Variants in WIPF3 observed in about 807,000 individuals in gnomAD.
WIPF3 encodes WAS/WASL-interacting protein family member 3.
In WIPF3, 33 loss-of-function variants were observed where a neutral mutation model predicts 38.9. That is an observed-to-expected ratio of 0.85 (90% CI 0.64 to 1.14). WIPF3 has a LOEUF of 1.14. Ranked by LOEUF, WIPF3 falls within the 50% of genes most tolerant of loss-of-function variation. WIPF3 has a pLI of 0.00. For synonymous variants in WIPF3, 324 were observed against 269.3 expected, an observed-to-expected ratio of 1.20 and a Z score of -1.99; for missense variants, 711 against 652.5, an observed-to-expected ratio of 1.09 and a Z score of -0.98.
intron 6 of WIPF3, 102 bp downstream of exon 6, chr7:29,888,319 G>A (rs563863638): frequency 8.4e-6 from 12 of 1,427,566 alleles, no homozygotes; most frequent in Admixed American, 2.2e-5. Context: ...CCATCTCAGG[G>A]TGCATGCTTC....
At chr7:29,880,822 G>A (rs1785699667) in intron 4 of WIPF3, among the ~76,000 whole-genome samples, 1 of 152,184 alleles carries the variant, frequency 6.6e-6, no homozygotes, top group South Asian at 2.1e-4. Flanking sequence ...CACATGGACT[G>A]GGTACCATGT....
chr7:29,863,704 A>G (rs1785339077), intron 2 of WIPF3, among the ~76,000 whole-genome samples: 1 of 152,250 alleles, frequency 6.6e-6, no homozygotes, highest in African/African-American at 2.4e-5. Flanking sequence ...GTTCATGAAC[A>G]TAGCATATCT....
rs2128063286 is a variant in WIPF3, at chr7:29,823,741, C to A, written c.-57-10927C>A. Reference sequence around the variant, plus strand: ...TTCTCATTATTGGTTTAGTGCCATCCCCTCATCGTTGCTCTTGTGATGTTG... The same window carrying A: ...TTCTCATTATTGGTTTAGTGCCATCACCTCATCGTTGCTCTTGTGATGTTG... On this transcript the variant is annotated intron_variant, in intron 1 of 8. Coordinates refer to ENST00000242140, the MANE Select transcript of WIPF3 (RefSeq NM_001080529.3). The surrounding 1 kb of genome is among the most constrained non-coding windows in gnomAD (Gnocchi z 4.0). Among the ~76,000 whole-genome samples, 1 of 152,256 alleles carries A rather than the reference C, an allele frequency of 6.6e-6. No individual in the cohort carries two copies. Among genetic ancestry groups the A allele is most frequent in the East Asian group, 1.9e-4 (1 of 5,168 alleles).
chr7:29,878,884 G>C lies in WIPF3; in HGVS notation c.224-125G>C. 2.7e-6 allele frequency: 3 copies of C among 1,119,342 alleles called. No individual in the cohort carries two copies. The Admixed American group carries it at 6.8e-5, about 25-fold the overall frequency. 69.3% of individuals were successfully genotyped at this position (1,119,342 alleles called of 1,614,324 possible). On this transcript the variant is annotated intron_variant, in intron 3 of 8. Coordinates refer to ENST00000242140, the MANE Select transcript of WIPF3 (RefSeq NM_001080529.3). This position sits in a 1 kb window ranked among gnomAD's most constrained non-coding sequence, Gnocchi z 4.0. ...GATGCTGAGTGAAAGGATGACATTG[G>C]AGGTGGGAGAATGGGAAGGCTGACA...
intron 2 of WIPF3, among the ~76,000 whole-genome samples, chr7:29,836,930 G>T (rs1250609364): frequency 6.6e-6 from 1 of 152,148 alleles, no homozygotes; most frequent in Non-Finnish European, 1.5e-5. Context: ...GGCGGAGGTT[G>T]CAGTGAGCCA....
chr7:29,875,524 T>C (rs971786470), intron 2 of WIPF3, among the ~76,000 whole-genome samples: 5 of 151,952 alleles, frequency 3.3e-5, no homozygotes, highest in Non-Finnish European at 7.4e-5. Flanking sequence ...ACAGAAGCCC[T>C]GGGGTGGGGA....
At chr7:29,885,202 A>G (rs765409102) in intron 5 of WIPF3, among the ~76,000 whole-genome samples, 6 of 152,194 alleles carry the variant, frequency 3.9e-5, no homozygotes, top group Non-Finnish European at 7.3e-5. Flanking sequence ...TAATTCCTTC[A>G]CATATGCAGC....
intron 2 of WIPF3, among the ~76,000 whole-genome samples, chr7:29,865,555 G>T (rs775727163): frequency 6.6e-6 from 1 of 152,134 alleles, no homozygotes; most frequent in Non-Finnish European, 1.5e-5. Flanking sequence ...CTTGTTGGGT[G>T]CAGACAGGGA....
chr7:29,876,744 G>T (rs562737524), intron 3 of WIPF3, among the ~76,000 whole-genome samples: 28 of 152,310 alleles, frequency 1.8e-4, no homozygotes, highest in African/African-American at 6.0e-4. Flanking sequence ...CAAGGAGAAA[G>T]ATTTATTAAG....
At chr7:29,854,322 G>A (rs1785152482) in intron 2 of WIPF3, among the ~76,000 whole-genome samples, 1 of 152,152 alleles carries the variant, frequency 6.6e-6, no homozygotes, top group African/African-American at 2.4e-5. Flanking sequence ...ACCCTCAAAA[G>A]TATTTTCAGC....
intron 2 of WIPF3, among the ~76,000 whole-genome samples, chr7:29,875,185 T>G (rs920608801): frequency 1.3e-5 from 2 of 152,012 alleles, no homozygotes; most frequent in Non-Finnish European, 2.9e-5. Context: ...TCCCCTGAGC[T>G]CCCCAGTTCT....
chr7:29,849,905 G>T (rs958109531), intron 2 of WIPF3, among the ~76,000 whole-genome samples: 1 of 152,202 alleles, frequency 6.6e-6, no homozygotes, highest in African/African-American at 2.4e-5. Context: ...ATCTAAGACC[G>T]TGGTGGAATA....
In WIPF3 at chr7:29,806,626, A is replaced by AGAC. The variant is rs955638895; in HGVS notation, c.-108_-106dup. ...CCGGAGCCGGAGGCGGCGGCGGCGGAGACGTCGGCCGGAGCTCGAGTCCAG... is the reference window on the plus strand; with the variant it reads ...CCGGAGCCGGAGGCGGCGGCGGCGGAGACGACGTCGGCCGGAGCTCGAGTCCAG... On this transcript the variant is annotated 5_prime_UTR_variant, in exon 1 of 9. Coordinates refer to ENST00000242140, the MANE Select transcript of WIPF3 (RefSeq NM_001080529.3). The AGAC allele has an allele frequency of 1.3e-5, 2 of 151,408 alleles. No homozygotes were observed. The highest frequency in any genetic ancestry group is 3.9e-4 in the East Asian group (2 of 5,110). 9.4% of individuals were successfully genotyped at this position (151,408 alleles called of 1,614,324 possible).
chr7:29,841,731 G>A (rs1434491535), intron 2 of WIPF3, among the ~76,000 whole-genome samples: 1 of 152,138 alleles, frequency 6.6e-6, no homozygotes, highest in African/African-American at 2.4e-5. Flanking sequence ...AGAATGGCTT[G>A]AACCCAAGAG....
intron 2 of WIPF3, among the ~76,000 whole-genome samples, chr7:29,843,442 G>A (rs747315392): frequency 2.0e-5 from 3 of 152,156 alleles, no homozygotes; most frequent in Non-Finnish European, 4.4e-5. Context: ...ATAGGAGCCC[G>A]GAGCATAAGC....
At chr7:29,822,353 G>A (rs1306362973) in intron 1 of WIPF3, among the ~76,000 whole-genome samples, 1 of 152,072 alleles carries the variant, frequency 6.6e-6, no homozygotes, top group Non-Finnish European at 1.5e-5. Context: ...ATGCACATTT[G>A]CATCTGTGCC....
chr7:29,862,736 T>C (rs1785315319), intron 2 of WIPF3, among the ~76,000 whole-genome samples: 1 of 152,228 alleles, frequency 6.6e-6, no homozygotes, highest in Non-Finnish European at 1.5e-5. Context: ...TATTTCTTTA[T>C]TTATCACACT....
intron 2 of WIPF3, among the ~76,000 whole-genome samples, chr7:29,862,628 T>G (rs755004396): frequency 6.6e-6 from 1 of 152,218 alleles, no homozygotes; most frequent in Non-Finnish European, 1.5e-5. Flanking sequence ...TGTCCGTTAA[T>G]GGGGCTCACT....
At chr7:29,851,950 G>T (rs185634295) in intron 2 of WIPF3, among the ~76,000 whole-genome samples, 5 of 152,108 alleles carry the variant, frequency 3.3e-5, no homozygotes, top group African/African-American at 9.6e-5. Flanking sequence ...GAAGAGAAAG[G>T]CTCCTCTAAA....
Sources: allele counts gnomAD v4.1 joint callset (sites outside exome capture counted in the v4.1 genomes callset), GRCh38; gene constraint gnomAD v4.1.1; non-coding constraint Gnocchi (gnomAD v3.1); transcripts MANE v1.5; gene names NCBI Gene and HGNC (gene_info 2026-07-23, HGNC 2026-07-21).